ACCSL: variants seen among roughly 807,000 people sequenced by gnomAD.
The protein encoded by ACCSL is probable inactive 1-aminocyclopropane-1-carboxylate synthase-like protein 2.
A neutral mutation model predicts 61.7 loss-of-function variants in ACCSL; 55 were observed. The ratio of observed to expected loss-of-function variants is 0.89; its 90% confidence interval spans 0.72 to 1.12. ACCSL has a LOEUF of 1.12. Among genes scored for constraint, ACCSL ranks in the 50% most tolerant of loss-of-function variants. ACCSL has a pLI of 0.00. For missense variants in ACCSL, 632 were observed against 698.0 expected (o/e 0.91, Z 1.07); for synonymous variants, 258 against 264.3 (o/e 0.98, Z 0.23).
the ACCSL span, among the ~76,000 whole-genome samples, chr11:43,992,550 A>G: frequency 1.3e-5 from 2 of 152,286 alleles, no homozygotes; most frequent in East Asian, 3.9e-4. Flanking sequence ...TGTGTTCCAG[A>G]GCCTAGCACT....
At chr11:44,035,936 T>TAA in the ACCSL span, among the ~76,000 whole-genome samples, 6,627 of 78,938 alleles carry the variant, frequency 0.084, 283 homozygotes, top group Non-Finnish European at 0.1. Context: ...AGACTCTGTG[T>TAA]AAAAAAAAAA....
chr11:43,936,885 C>T, the ACCSL span, among the ~76,000 whole-genome samples: 4 of 152,052 alleles, frequency 2.6e-5, no homozygotes, highest in South Asian at 2.1e-4. Context: ...TCCCCACCCC[C>T]CCCTCCTGCC....
the ACCSL span, among the ~76,000 whole-genome samples, chr11:43,934,678 G>A: frequency 2.6e-5 from 4 of 152,158 alleles, no homozygotes; most frequent in African/African-American, 7.2e-5. Context: ...CCGGGTCTGA[G>A]CTAGGGCAAC....
chr11:43,979,590 C>T, the ACCSL span, among the ~76,000 whole-genome samples: 16 of 152,198 alleles, frequency 1.1e-4, no homozygotes, highest in South Asian at 2.1e-4. Flanking sequence ...AAGTCTCTGT[C>T]GTGGCAAGCT....
the ACCSL span, chr11:43,944,061 C>T: frequency 2.7e-6 from 1 of 365,498 alleles, no homozygotes; most frequent in Non-Finnish European, 5.2e-6. Context: ...TTGCCTGCCT[C>T]CCCAAGTGGA....
the ACCSL span, among the ~76,000 whole-genome samples, chr11:43,926,186 T>C: frequency 6.6e-6 from 1 of 152,112 alleles, no homozygotes; most frequent in African/African-American, 2.4e-5. Flanking sequence ...GGAAGTTCTT[T>C]AGGCCAAACT....
At chr11:44,006,857 G>A in the ACCSL span, among the ~76,000 whole-genome samples, 14 of 152,064 alleles carry the variant, frequency 9.2e-5, no homozygotes, top group Admixed American at 3.3e-4. Flanking sequence ...CATGATGCCT[G>A]GCAGGAAGTA....
the ACCSL span, among the ~76,000 whole-genome samples, chr11:43,972,976 C>G: frequency 6.6e-6 from 1 of 152,198 alleles, no homozygotes; most frequent in Non-Finnish European, 1.5e-5. Flanking sequence ...GACTCCATCT[C>G]TCTCTTTTTT....
At chr11:44,055,942 T>C in intron 9 of ACCSL, 98 bp from the exon 10 acceptor site, 1 of 1,445,434 alleles carries the variant, frequency 6.9e-7, no homozygotes, top group Non-Finnish European at 9.6e-7. Flanking sequence ...GGCCCTTCTG[T>C]CTAGGACCAA....
At chr11:43,936,571 A>G in the ACCSL span, among the ~76,000 whole-genome samples, 3 of 146,272 alleles carry the variant, frequency 2.1e-5, no homozygotes, top group Non-Finnish European at 4.5e-5. Context: ...TTGCTTCTAC[A>G]CACTGGCACC....
At chr11:43,976,500 TAACA>T in the ACCSL span, among the ~76,000 whole-genome samples, 1 of 152,254 alleles carries the variant, frequency 6.6e-6, no homozygotes, top group Non-Finnish European at 1.5e-5. Flanking sequence ...AGAGCTGGTA[TAACA>T]AACAGAGTTC....
At chr11:43,931,259 G>A in the ACCSL span, among the ~76,000 whole-genome samples, 1 of 152,224 alleles carries the variant, frequency 6.6e-6, no homozygotes, top group South Asian at 2.1e-4. Context: ...GTGGGGAGGG[G>A]CCTTCATGCC....
the ACCSL span, among the ~76,000 whole-genome samples, chr11:44,007,526 G>C: frequency 6.6e-6 from 1 of 152,152 alleles, no homozygotes; most frequent in Non-Finnish European, 1.5e-5. Flanking sequence ...CTCTGTCCCA[G>C]GATGATGCTC....
chr11:44,002,705 T>G, the ACCSL span, among the ~76,000 whole-genome samples: 1 of 152,194 alleles, frequency 6.6e-6, no homozygotes, highest in African/African-American at 2.4e-5. Flanking sequence ...TGGGTCTGAA[T>G]GCTGTGTGAT....
the ACCSL span, among the ~76,000 whole-genome samples, chr11:43,989,939 T>G: frequency 6.6e-6 from 1 of 152,250 alleles, no homozygotes; most frequent in African/African-American, 2.4e-5. Context: ...GTGGCCTGCC[T>G]TGTCTGAGTT....
chr11:43,930,945 GC>G, the ACCSL span, among the ~76,000 whole-genome samples: 1 of 152,080 alleles, frequency 6.6e-6, no homozygotes, highest in South Asian at 2.1e-4. Context: ...GCTGACCATG[GC>G]CCCCAAACTG....
chr11:44,054,439 CTTTCTTTCTTTTTT>C (rs1439610559), intron 8 of ACCSL, among the ~76,000 whole-genome samples: 1 of 95,862 alleles, frequency 1.0e-5, no homozygotes, highest in Non-Finnish European at 2.3e-5. Flanking sequence ...TTCTTTTTTT[CTTTCTTTCTTTTTT>C]TTTTTTGTTT....
the ACCSL span, among the ~76,000 whole-genome samples, chr11:43,976,057 T>G: frequency 5.3e-5 from 8 of 152,332 alleles, no homozygotes; most frequent in African/African-American, 1.9e-4. Context: ...CAAGATAACT[T>G]GTCTCTGTAG....
the ACCSL span, among the ~76,000 whole-genome samples, chr11:43,967,871 C>T: frequency 6.6e-6 from 1 of 152,162 alleles, no homozygotes; most frequent in Non-Finnish European, 1.5e-5. Flanking sequence ...GGGTATCATG[C>T]TATTTTCTCT....
Sources: gnomAD v4.1 joint callset for allele counts (sites outside exome capture counted in the v4.1 genomes callset) on GRCh38, gnomAD v4.1.1 for gene constraint, MANE v1.5 for transcripts, NCBI Gene and HGNC (gene_info 2026-07-23, HGNC 2026-07-21) for gene names.